Variants in SFMBT1 observed in about 807,000 individuals in gnomAD.
SFMBT1 encodes the protein Scm like with four mbt domains 1, also known as scm-like with four MBT domains protein 1.
In SFMBT1, 32 loss-of-function variants were observed where a neutral mutation model predicts 108.7. That is an observed-to-expected ratio of 0.29 (90% CI 0.22 to 0.40). SFMBT1 has a LOEUF of 0.40. Ranked by LOEUF, SFMBT1 falls within the 10% of genes least tolerant of loss-of-function variation. SFMBT1 has a pLI of 1.00. For missense variants in SFMBT1, 816 were observed against 1,059.6 expected, an observed-to-expected ratio of 0.77 and a Z score of 3.19; for synonymous variants, 348 against 369.5, an observed-to-expected ratio of 0.94 and a Z score of 0.67.
At chr3:52,952,314 T>C (rs1260637285) in intron 3 of SFMBT1, among the ~76,000 whole-genome samples, 2 of 152,182 alleles carry the variant, frequency 1.3e-5, no homozygotes, top group Admixed American at 6.5e-5. Flanking sequence ...TAAAAGAATA[T>C]GGTTTATATT....
chr3:52,941,402 T>C (rs1407804555), intron 4 of SFMBT1, among the ~76,000 whole-genome samples: 1 of 152,046 alleles, frequency 6.6e-6, no homozygotes, highest in Non-Finnish European at 1.5e-5. Flanking sequence ...AAGACCAGCC[T>C]GGCCAACATG....
intron 1 of SFMBT1, among the ~76,000 whole-genome samples, chr3:53,029,480 T>C (rs1489306598): frequency 6.6e-6 from 1 of 152,220 alleles, no homozygotes; most frequent in Non-Finnish European, 1.5e-5. Context: ...AGGAGCAGCA[T>C]TTTTAAAATT....
At chr3:52,913,420 G>A in intron 15 of SFMBT1, 58 bp downstream of exon 15, 1 of 1,572,484 alleles carries the variant, frequency 6.4e-7, no homozygotes, top group Non-Finnish European at 8.6e-7. Context: ...CTGTAGAAAT[G>A]ACCATAGGAG....
rs902105101 is a variant in SFMBT1, at chr3:53,038,042, C to T, written c.-131+7774G>A. Among the ~76,000 whole-genome samples, 5 of 151,926 alleles carry T rather than the reference C, an allele frequency of 3.3e-5. No homozygotes were observed. The South Asian group carries it at 6.2e-4, about 19-fold the overall frequency. On this transcript the variant is annotated intron_variant, in intron 1 of 20. Coordinates refer to ENST00000394752, the MANE Select transcript of SFMBT1 (RefSeq NM_016329.4). ...AGTAGAATCACTTGAAACCAGGAGG[C>T]GGAGGTGGCCAAGATTGCACCGCTG...
intron 1 of SFMBT1, among the ~76,000 whole-genome samples, chr3:53,024,931 AAT>A (rs1490208435): frequency 1.3e-5 from 2 of 152,206 alleles, no homozygotes; most frequent in African/African-American, 2.4e-5. Flanking sequence ...TATATATAAG[AAT>A]ATAAAGTATA....
intron 3 of SFMBT1, among the ~76,000 whole-genome samples, chr3:52,953,392 G>A: frequency 6.6e-6 from 1 of 151,730 alleles, no homozygotes; most frequent in Non-Finnish European, 1.5e-5. Flanking sequence ...GGTTGAGGCT[G>A]CAGTGAGCTA....
intron 1 of SFMBT1, among the ~76,000 whole-genome samples, chr3:52,993,068 A>G (rs1449888438): frequency 6.6e-6 from 1 of 152,188 alleles, no homozygotes; most frequent in Non-Finnish European, 1.5e-5. Context: ...AAGATTTCCC[A>G]ATTTCTGAAA....
chr3:52,938,850 C>A (rs1177248884), intron 4 of SFMBT1, among the ~76,000 whole-genome samples: 1 of 152,136 alleles, frequency 6.6e-6, no homozygotes, highest in African/African-American at 2.4e-5. Context: ...GCTAATGTTA[C>A]CTCATTAATT....
intron 4 of SFMBT1, among the ~76,000 whole-genome samples, chr3:52,937,683 A>G (rs745898350): frequency 1.3e-5 from 2 of 151,866 alleles, no homozygotes; most frequent in Non-Finnish European, 1.5e-5. Flanking sequence ...CCCGGGTCCA[A>G]GTGGTTCTTC....
intron 1 of SFMBT1, among the ~76,000 whole-genome samples, chr3:52,976,916 TA>T (rs1559534168): frequency 6.6e-6 from 1 of 152,218 alleles, no homozygotes; most frequent in Non-Finnish European, 1.5e-5. Context: ...TAACACTGAA[TA>T]TAGTTGAAGA....
intron 1 of SFMBT1, among the ~76,000 whole-genome samples, chr3:53,024,189 G>A (rs1031041971): frequency 6.6e-6 from 1 of 152,212 alleles, no homozygotes; most frequent in Non-Finnish European, 1.5e-5. Context: ...TACGTCAACT[G>A]TCTGCGTGTC....
chr3:53,018,463 C>G (rs992944012), intron 1 of SFMBT1, among the ~76,000 whole-genome samples: 1 of 151,854 alleles, frequency 6.6e-6, no homozygotes, highest in Non-Finnish European at 1.5e-5. Context: ...TCAGTTAGAC[C>G]CCATGTTCTA....
intron 1 of SFMBT1, among the ~76,000 whole-genome samples, chr3:53,023,511 A>G (rs559280174): frequency 1.3e-5 from 2 of 152,344 alleles, no homozygotes; most frequent in African/African-American, 4.8e-5. Context: ...ATCTCCATAC[A>G]TGAATTAAAT....
chr3:52,905,109 A>C lies in SFMBT1; in HGVS notation c.*27T>G. 1 of 1,611,334 alleles carries C rather than the reference A, an allele frequency of 6.2e-7. No individual in the cohort carries two copies. Among genetic ancestry groups the C allele is most frequent in the Non-Finnish European group, 8.5e-7 (1 of 1,178,630 alleles). Reference sequence around the variant, plus strand: ...AGGATTTGCTGCATTTGTGCTTCAAAGATCCAGCTCACTTTGGTTGTCCTT... The same window carrying C: ...AGGATTTGCTGCATTTGTGCTTCAACGATCCAGCTCACTTTGGTTGTCCTT... On this transcript the variant is annotated 3_prime_UTR_variant, in exon 21 of 21. Transcript: ENST00000394752.
intron 14 of SFMBT1, among the ~76,000 whole-genome samples, chr3:52,914,253 T>G (rs1575368410): frequency 6.6e-6 from 1 of 152,182 alleles, no homozygotes; most frequent in East Asian, 1.9e-4. Flanking sequence ...AAAAATCCCC[T>G]CATAGTGGTA....
rs373288404 is a variant in SFMBT1, at chr3:52,930,990, G to A, written c.746C>T (p.Ala249Val). Residue 249 changes from alanine (A) to valine (V), a missense_variant, in exon 7 of 21, where the codon GCC becomes GTC. By Grantham distance (64) the Ala-to-Val change is moderately conservative. This residue lies in a region of SFMBT1 where 495 missense variants were observed against 607.4 expected (regional missense o/e 0.81). Transcript: ENST00000394752. ...CTCTTCCTCTTCCTCTTTCACTTTGGCCAAAATCTCTTGCCACTCAGCTTC... is the reference window on the plus strand; with the variant it reads ...CTCTTCCTCTTCCTCTTTCACTTTGACCAAAATCTCTTGCCACTCAGCTTC... Reference protein sequence around the residue: ...KNEAEWQEILAKVKEEEEEPL... With the variant: ...KNEAEWQEILVKVKEEEEEPL... 1.2e-6 allele frequency: 2 copies of A among 1,613,800 alleles called. No individual in the cohort carries two copies. Among genetic ancestry groups the A allele is most frequent in the Non-Finnish European group, 1.7e-6 (2 of 1,179,922 alleles).
intron 2 of SFMBT1, among the ~76,000 whole-genome samples, chr3:52,955,636 C>A (rs1703754551): frequency 6.6e-6 from 1 of 152,068 alleles, no homozygotes; most frequent in Admixed American, 6.5e-5. Flanking sequence ...CACATACACC[C>A]TCCCAAGACT....
chr3:52,988,961 G>A (rs929727889), intron 1 of SFMBT1, among the ~76,000 whole-genome samples: 1 of 152,102 alleles, frequency 6.6e-6, no homozygotes, highest in Non-Finnish European at 1.5e-5. Flanking sequence ...ATAGATTTCA[G>A]TACCCCCACA....
intron 2 of SFMBT1, among the ~76,000 whole-genome samples, chr3:52,962,454 G>GTC (rs1703992359): frequency 6.6e-6 from 1 of 152,120 alleles, no homozygotes; most frequent in African/African-American, 2.4e-5. Flanking sequence ...AAAATATACT[G>GTC]TTAAGAGTAA....
Sources: allele counts gnomAD v4.1 joint callset (sites outside exome capture counted in the v4.1 genomes callset), GRCh38; gene constraint gnomAD v4.1.1; regional missense constraint gnomAD v4.1.1; transcripts MANE v1.5; gene names NCBI Gene and HGNC (gene_info 2026-07-23, HGNC 2026-07-21).